Variants in MANEA observed in about 807,000 individuals in gnomAD.
The protein encoded by MANEA is mannosidase endo-alpha.
In MANEA, 25 loss-of-function variants were observed where a neutral mutation model predicts 36.8. The observed-to-expected ratio is 0.68, with a 90% CI of 0.50 to 0.95. The LOEUF is 0.95. Among genes scored for constraint, MANEA ranks in the 40% least tolerant of loss-of-function variants. The pLI is 0.00. For synonymous variants in MANEA, 198 were observed against 188.5 expected, an observed-to-expected ratio of 1.05 and a Z score of -0.41; for missense variants, 565 against 558.8, an observed-to-expected ratio of 1.01 and a Z score of -0.11.
intron 1 of MANEA, among the ~76,000 whole-genome samples, chr6:95,584,476 G>A (rs1769242960): frequency 6.6e-6 from 1 of 152,258 alleles, no homozygotes; most frequent in Admixed American, 6.5e-5. Context: ...GTCTCCTCCA[G>A]TACCCCACCC....
chr6:95,586,590 C>G lies in MANEA; in HGVS notation c.151C>G (p.Arg51Gly). Residue 51 changes from arginine (R) to glycine (G), a missense_variant, in exon 2 of 5, where the codon CGA becomes GGA. Coordinates refer to ENST00000358812, the MANE Select transcript of MANEA (RefSeq NM_024641.4). ...TGACCTTCTTCCAGAACTTCATCAACGAACTATTCATTTGGGGAAAAATTT... is the reference window on the plus strand; with the variant it reads ...TGACCTTCTTCCAGAACTTCATCAAGGAACTATTCATTTGGGGAAAAATTT... Reference protein sequence around the residue: ...GLDLLPELHQRTIHLGKNFDF... With the variant: ...GLDLLPELHQGTIHLGKNFDF... 6.2e-7 allele frequency: 1 copy of G among 1,613,986 alleles called. No individual in the cohort carries two copies. The highest frequency in any genetic ancestry group is 8.5e-7 in the Non-Finnish European group (1 of 1,179,986).
At chr6:95,601,507 A>G (rs1203068761) in intron 3 of MANEA, among the ~76,000 whole-genome samples, 1 of 152,100 alleles carries the variant, frequency 6.6e-6, no homozygotes, top group Non-Finnish European at 1.5e-5. Flanking sequence ...CTTTCTGCCT[A>G]GGACTCAGAA....
chr6:95,606,395 C>T lies in MANEA; in HGVS notation c.1379C>T (p.Pro460Leu), dbSNP rs1769713778. 1 of 1,590,796 alleles carries T rather than the reference C, an allele frequency of 6.3e-7. No homozygotes were observed. Among genetic ancestry groups the T allele is most frequent in the African/African-American group, 1.3e-5 (1 of 74,418 alleles). ...RATYALDRQLPVS is the reference protein window; with the variant it reads ...RATYALDRQLLVS ...ACTTATGCATTAGATCGCCAGCTGCCTGTTTCTTAATGCATTGATTAAAGT... is the reference window on the plus strand; with the variant it reads ...ACTTATGCATTAGATCGCCAGCTGCTTGTTTCTTAATGCATTGATTAAAGT... Residue 460 changes from proline to leucine, a missense_variant, in exon 5 of 5, where the codon CCT (proline) becomes CTT (leucine). Physicochemically the swap from Pro to Leu is moderately conservative, Grantham distance 98. Coordinates refer to ENST00000358812, the MANE Select transcript of MANEA (RefSeq NM_024641.4).
chr6:95,609,253 A>T lies in MANEA; in HGVS notation c.*2848A>T, dbSNP rs1487355442. 6.6e-6 allele frequency: 1 copy of T among 151,770 alleles called. No individual in the cohort carries two copies. Among genetic ancestry groups the T allele is most frequent in the African/African-American group, 2.4e-5 (1 of 41,422 alleles). 9.4% of individuals were successfully genotyped at this position (151,770 alleles called of 1,614,324 possible). Reference sequence around the variant, plus strand: ...AGTTATTAATTTTTATGGTTTAATCAGTCTAATTGTTTTGACTGTTATAGA... The same window carrying T: ...AGTTATTAATTTTTATGGTTTAATCTGTCTAATTGTTTTGACTGTTATAGA... On this transcript the variant is annotated 3_prime_UTR_variant, in exon 5 of 5. Transcript: ENST00000358812.
At position 95,606,525 on chromosome 6, in the gene MANEA, A is replaced by T. The variant is rs1769715811; in HGVS notation, c.*120A>T. 1 of 500,398 alleles carries T rather than the reference A, an allele frequency of 2.0e-6. No individual in the cohort carries two copies. 31.0% of individuals were successfully genotyped at this position (500,398 alleles called of 1,614,324 possible). The stretch of plus-strand genomic sequence containing the variant: ...TATACTATTAGTTATATTTAAAAAT[A>T]TTTTTTTAAATTCTTTACAGATAAT... On this transcript the variant is annotated 3_prime_UTR_variant, in exon 5 of 5. Transcript: ENST00000358812.
intron 1 of MANEA, among the ~76,000 whole-genome samples, chr6:95,583,163 A>T (rs1016080871): frequency 1.3e-5 from 2 of 152,166 alleles, no homozygotes; most frequent in Non-Finnish European, 2.9e-5. Flanking sequence ...CTATTCCTTT[A>T]CTAAAAGTTC....
At chr6:95,598,216 A>C (rs1157357926) in intron 3 of MANEA, among the ~76,000 whole-genome samples, 1 of 152,166 alleles carries the variant, frequency 6.6e-6, no homozygotes, top group East Asian at 1.9e-4. Flanking sequence ...AAGTATACTC[A>C]CTATCTATTG....
intron 4 of MANEA, 144 bp from the exon 5 acceptor site, chr6:95,605,604 A>G (rs1199053354): frequency 5.0e-6 from 3 of 603,980 alleles, no homozygotes; most frequent in East Asian, 2.8e-5. Context: ...ATTTTTAATT[A>G]TTACACTTAC....
rs1582233005 is a variant in MANEA at position 95,606,509 on chromosome 6, A to C, written c.*104A>C. 1 of 562,956 alleles carries C rather than the reference A, an allele frequency of 1.8e-6. No homozygotes were observed. Among genetic ancestry groups the C allele is most frequent in the African/African-American group, 1.9e-5 (1 of 51,478 alleles). The allele number at this position is 562,956 out of a possible 1,614,324, so 34.9% of individuals were successfully genotyped here. ...ACTGTCAAAATCAGTATATACTATTAGTTATATTTAAAAATATTTTTTTAA... is the reference window on the plus strand; with the variant it reads ...ACTGTCAAAATCAGTATATACTATTCGTTATATTTAAAAATATTTTTTTAA... On this transcript the variant is annotated 3_prime_UTR_variant, in exon 5 of 5. Coordinates refer to ENST00000358812, the MANE Select transcript of MANEA (RefSeq NM_024641.4).
chr6:95,607,429 A>G lies in MANEA; in HGVS notation c.*1024A>G, dbSNP rs1336783855. On this transcript the variant is annotated 3_prime_UTR_variant, in exon 5 of 5. Coordinates refer to ENST00000358812, the MANE Select transcript of MANEA (RefSeq NM_024641.4). ...AAGTTATTTTGACGAAAAGTAATAG[A>G]GAAAATTTACTTAGCATTTTAGATT... 2 of 152,090 alleles carry G rather than the reference A, an allele frequency of 1.3e-5. No individual in the cohort carries two copies. Among genetic ancestry groups the G allele is most frequent in the Non-Finnish European group, 1.5e-5 (1 of 67,936 alleles). 9.4% of individuals were successfully genotyped at this position (152,090 alleles called of 1,614,324 possible).
At chr6:95,578,778 G>A (rs1176617877) in intron 1 of MANEA, among the ~76,000 whole-genome samples, 1 of 152,194 alleles carries the variant, frequency 6.6e-6, no homozygotes, top group African/African-American at 2.4e-5. Flanking sequence ...AGTTTATGGA[G>A]TAGGTAACAG....
chr6:95,594,322 G>C (rs1049301538), intron 2 of MANEA, among the ~76,000 whole-genome samples: 1 of 152,144 alleles, frequency 6.6e-6, no homozygotes, highest in Non-Finnish European at 1.5e-5. Flanking sequence ...AGTTCATGTA[G>C]CTGATAAGTG....
At chr6:95,605,643 G>A in intron 4 of MANEA, 105 bp from the exon 5 acceptor site, 1 of 727,174 alleles carries the variant, frequency 1.4e-6, no homozygotes, top group Non-Finnish European at 2.3e-6. Context: ...AAATGGAGCA[G>A]TGTGCTCAAA....
At position 95,596,730 on chromosome 6, in the gene MANEA, C is replaced by T; in HGVS notation, c.545-7C>T. On this transcript the variant is annotated splice_region_variant and splice_polypyrimidine_tract_variant and intron_variant, in intron 2 of 4. Coordinates refer to ENST00000358812, the MANE Select transcript of MANEA (RefSeq NM_024641.4). Reference sequence around the variant, plus strand: ...CTTTTCCCTTTCTTTTTGGTCTTTTCTATTAGGTGTACTAGCCCTCTCTTG... The same window carrying T: ...CTTTTCCCTTTCTTTTTGGTCTTTTTTATTAGGTGTACTAGCCCTCTCTTG... 6.7e-7 allele frequency: 1 copy of T among 1,488,458 alleles called. No individual in the cohort carries two copies. Among genetic ancestry groups the T allele is most frequent in the Admixed American group, 1.7e-5 (1 of 58,882 alleles). 92.2% of individuals were successfully genotyped at this position (1,488,458 alleles called of 1,614,324 possible).
chr6:95,601,886 T>C (rs1389461886), intron 3 of MANEA, among the ~76,000 whole-genome samples: 1 of 152,156 alleles, frequency 6.6e-6, no homozygotes, highest in Non-Finnish European at 1.5e-5. Context: ...TTTATCAACA[T>C]CCATTATTTC....
At chr6:95,579,199 CCT>C (rs1323416839) in intron 1 of MANEA, among the ~76,000 whole-genome samples, 1 of 152,124 alleles carries the variant, frequency 6.6e-6, no homozygotes, top group Non-Finnish European at 1.5e-5. Context: ...ATGGTGAAAC[CCT>C]GTCTCTACTA....
intron 1 of MANEA, among the ~76,000 whole-genome samples, chr6:95,582,143 T>TA (rs1353199110): frequency 6.6e-6 from 1 of 150,674 alleles, no homozygotes; most frequent in Admixed American, 6.6e-5. Context: ...GACAACAAAT[T>TA]ACAGTGGCAT....
chr6:95,585,122 A>G (rs1201451347), intron 1 of MANEA, among the ~76,000 whole-genome samples: 1 of 128,212 alleles, frequency 7.8e-6, no homozygotes, highest in Non-Finnish European at 1.6e-5. Context: ...ATATGTACCT[A>G]TATACTTATA....
intron 3 of MANEA, among the ~76,000 whole-genome samples, chr6:95,598,261 A>G (rs1308263550): frequency 6.6e-6 from 1 of 152,174 alleles, no homozygotes; most frequent in Non-Finnish European, 1.5e-5. Flanking sequence ...TTGGTAGCTT[A>G]AAACAATAAA....
Sources: allele counts gnomAD v4.1 joint callset (sites outside exome capture counted in the v4.1 genomes callset), GRCh38; gene constraint gnomAD v4.1.1; transcripts MANE v1.5; gene names NCBI Gene and HGNC (gene_info 2026-07-23, HGNC 2026-07-21).